Variants in MMRN1 observed in about 807,000 individuals in gnomAD.
The protein encoded by MMRN1 is multimerin-1.
In MMRN1, 94 loss-of-function variants were observed where a neutral mutation model predicts 100.7. That is an observed-to-expected ratio of 0.93 (90% CI 0.79 to 1.11). The LOEUF is 1.11. MMRN1 is among the 50% of genes least tolerant of loss of function. The probability of loss-of-function intolerance (pLI) is 0.00; values close to 1 mark genes in which losing one functional copy is unlikely to be tolerated. For synonymous variants in MMRN1, 575 were observed against 505.0 expected (o/e 1.14, Z -1.86); for missense variants, 1,606 against 1,439.1 (o/e 1.12, Z -1.88).
At chr4:89,900,118 T>C (rs900903799) in intron 1 of MMRN1, among the ~76,000 whole-genome samples, 1 of 152,072 alleles carries the variant, frequency 6.6e-6, no homozygotes, top group African/African-American at 2.4e-5. Context: ...AAGAAGGAAA[T>C]GTAAATGAAA....
At position 89,936,799 on chromosome 4, in the gene MMRN1, G is replaced by A. The variant is rs1722661753; in HGVS notation, c.3118+1G>A. 2 of 1,569,510 alleles carry A rather than the reference G, an allele frequency of 1.3e-6. No individual in the cohort carries two copies. On this transcript the variant is annotated splice_donor_variant, in intron 6 of 7. Transcript: ENST00000264790. LOFTEE classifies it high-confidence loss of function. The stretch of plus-strand genomic sequence containing the variant: ...AACACGGACAACATAATATATCCTG[G>A]TAAGCTGTTACTGAAAAGTAACTTT...
chr4:89,943,477 G>A (rs969788835), intron 6 of MMRN1, among the ~76,000 whole-genome samples: 1 of 152,112 alleles, frequency 6.6e-6, no homozygotes, highest in Non-Finnish European at 1.5e-5. Flanking sequence ...TATTATTCAT[G>A]GTTATATTAG....
chr4:89,894,053 C>A (rs1721115198), upstream of MMRN1, among the ~76,000 whole-genome samples: 1 of 152,048 alleles, frequency 6.6e-6, no homozygotes, highest in African/African-American at 2.4e-5. Context: ...TCTATATGAT[C>A]CCATTTTAAT....
Position 89,895,479 on chromosome 4 carries a change from G to A in MMRN1, c.508G>A (p.Gly170Ser), listed in dbSNP as rs1350188300. 4 of 1,613,726 alleles carry A rather than the reference G, an allele frequency of 2.5e-6. No homozygotes were observed. The highest frequency in any genetic ancestry group is 2.5e-6 in the Non-Finnish European group (3 of 1,179,924). Residue 170 changes from glycine (G) to serine (S), a missense_variant, in exon 1 of 8, where the codon GGC (glycine) becomes AGC (serine). By Grantham distance (56) the Gly-to-Ser change is moderately conservative. Transcript: ENST00000264790. Reference sequence around the variant, plus strand: ...CACTGGAGGCATTGGAGGCGTTGGAGGCACTGGAGGCGTGGGAAATCGAGC... The same window carrying A: ...CACTGGAGGCATTGGAGGCGTTGGAAGCACTGGAGGCGTGGGAAATCGAGC... ...GGTGGIGGVG[G>S]TGGVGNRAPR...
intron 3 of MMRN1, among the ~76,000 whole-genome samples, chr4:89,922,232 G>C (rs1340139642): frequency 6.6e-6 from 1 of 151,910 alleles, no homozygotes; most frequent in Non-Finnish European, 1.5e-5. Flanking sequence ...AGCCTCCCAA[G>C]TAGCTGGAAT....
chr4:89,898,685 C>A (rs1194995609), intron 1 of MMRN1, among the ~76,000 whole-genome samples: 1 of 151,918 alleles, frequency 6.6e-6, no homozygotes, highest in Non-Finnish European at 1.5e-5. Context: ...GTTTGTTAAA[C>A]CCACCTTTCT....
At chr4:89,882,098 G>A (rs766641876) in intron 1 of MMRN1, among the ~76,000 whole-genome samples, 9 of 151,734 alleles carry the variant, frequency 5.9e-5, no homozygotes, top group East Asian at 1.9e-4. Context: ...ATGACCATAC[G>A]TCTTTAATTT....
rs763071708 is a variant in MMRN1, at chr4:89,895,156, C to T, written c.185C>T (p.Ser62Leu). 6 of 1,613,806 alleles carry T rather than the reference C, an allele frequency of 3.7e-6. No individual in the cohort carries two copies. The highest frequency in any genetic ancestry group is 3.3e-5 in the Admixed American group (2 of 59,974). ...LQILPTTRVM[S>L]AEIATTPEAR... ...ATACTGCCAACCACTCGGGTCATGT[C>T]GGCGGAGATAGCTACAACTCCAGAG... is the stretch of plus-strand genomic sequence containing the variant. The change falls in exon 1 of 8, where the codon TCG becomes TTG. Residue 62 changes from serine (S) to leucine (L), a missense_variant. Physicochemically the swap from Ser to Leu is moderately radical, Grantham distance 145. Coordinates refer to ENST00000264790, the MANE Select transcript of MMRN1 (RefSeq NM_007351.3).
At position 89,934,812 on chromosome 4, in the gene MMRN1, C is replaced by T. The variant is rs531070238; in HGVS notation, c.1132C>T (p.Leu378=). 3 of 1,444,198 alleles carry T rather than the reference C, an allele frequency of 2.1e-6. No homozygotes were observed. The highest frequency in any genetic ancestry group is 2.9e-5 in the African/African-American group (2 of 70,066). The allele number at this position is 1,444,198 out of a possible 1,614,324, so 89.5% of individuals were successfully genotyped here. A position where few individuals can be genotyped will look rare whatever the true frequency, so the allele number is the denominator to read the frequency against. Residue 378 remains leucine, a splice_region_variant and synonymous_variant, in exon 6 of 8, where the codon CTA becomes TTA. Transcript: ENST00000264790. Reference sequence around the variant, plus strand: ...TTATTAATTATTTCTTTCTCTAGGTCTAAAATCCAAAAGCATTAATGTACT... The same window carrying T: ...TTATTAATTATTTCTTTCTCTAGGTTTAAAATCCAAAAGCATTAATGTACT... ...SREFQSLLKG[L]KSKSINVLIR...
chr4:89,917,080 C>A (rs369984033), intron 3 of MMRN1, among the ~76,000 whole-genome samples: 1 of 151,500 alleles, frequency 6.6e-6, no homozygotes, highest in African/African-American at 2.4e-5. Context: ...AAAATCCCCC[C>A]ACACATCCTC....
At chr4:89,903,159 A>G (rs1721445949) in intron 1 of MMRN1, among the ~76,000 whole-genome samples, 1 of 151,806 alleles carries the variant, frequency 6.6e-6, no homozygotes, top group South Asian at 2.1e-4. Context: ...TCATGTATAT[A>G]TTTCCCTTGA....
chr4:89,946,922 T>A (rs942599535), intron 6 of MMRN1, among the ~76,000 whole-genome samples: 3 of 151,864 alleles, frequency 2.0e-5, no homozygotes, highest in Non-Finnish European at 2.9e-5. Context: ...TTAAAAAAAA[T>A]GGACAGGAAG....
At position 89,936,367 on chromosome 4, in the gene MMRN1, T is replaced by A. The variant is rs200343754; in HGVS notation, c.2687T>A (p.Leu896Gln). 678 of 1,610,792 alleles carry A rather than the reference T, an allele frequency of 4.2e-4. 8 individuals are homozygous for A. The South Asian group carries it at 5.2e-3, about 12-fold the overall frequency. The change falls in exon 6 of 8, where the codon CTG becomes CAG. Residue 896 changes from leucine to glutamine, a missense_variant. Transcript: ENST00000264790. ...AATGAGAGAGATCAGGCTCTTCAACTGCAAGTATTAAATTCCAGATTTAAG... is the reference window on the plus strand; with the variant it reads ...AATGAGAGAGATCAGGCTCTTCAACAGCAAGTATTAAATTCCAGATTTAAG... ...VTNERDQALQ[L>Q]QVLNSRFKAL...
chr4:89,915,267 C>G (rs1208406660), intron 3 of MMRN1, among the ~76,000 whole-genome samples: 1 of 151,564 alleles, frequency 6.6e-6, no homozygotes, highest in African/African-American at 2.4e-5. Flanking sequence ...ACATTACCTC[C>G]TCTAAGAGTC....
intron 1 of MMRN1, 55 bp downstream of exon 1, chr4:89,895,649 T>G: frequency 6.7e-7 from 1 of 1,492,474 alleles, no homozygotes; most frequent in Non-Finnish European, 8.9e-7. Context: ...TCTAGAAGAT[T>G]GCAAGTGAAA....
At position 89,953,687 on chromosome 4, in the gene MMRN1, C is replaced by T. The variant is rs1179601031; in HGVS notation, c.*269C>T. 1 of 279,462 alleles carries T rather than the reference C, an allele frequency of 3.6e-6. No individual in the cohort carries two copies. The highest frequency in any genetic ancestry group is 6.6e-6 in the Non-Finnish European group (1 of 151,620). The allele number at this position is 279,462 out of a possible 1,614,324, so 17.3% of individuals were successfully genotyped here. A position where few individuals can be genotyped will look rare whatever the true frequency, so the allele number is the denominator to read the frequency against. ...AGCATAATTATTCCTATTCTTATTT[C>T]TTCATTTTAAGTCATTGCAATGGAA... On this transcript the variant is annotated 3_prime_UTR_variant, in exon 8 of 8. Transcript: ENST00000264790.
At chr4:89,909,513 T>A (rs913809363) in intron 2 of MMRN1, 118 bp downstream of exon 2, 2 of 1,285,062 alleles carry the variant, frequency 1.6e-6, no homozygotes, top group African/African-American at 3.0e-5. Context: ...GGGATGGTAG[T>A]CACATTATGC....
At chr4:89,901,519 A>G (rs950330482) in intron 1 of MMRN1, among the ~76,000 whole-genome samples, 1 of 152,048 alleles carries the variant, frequency 6.6e-6, no homozygotes, top group Non-Finnish European at 1.5e-5. Context: ...TTAGAAGTGA[A>G]TTATCTGATC....
chr4:89,934,769 T>G, intron 5 of MMRN1, 41 bp from the exon 6 acceptor site: 1 of 1,169,522 alleles, frequency 8.6e-7, no homozygotes, highest in South Asian at 2.3e-5. Context: ...TAAAGTCTCA[T>G]ATAATTAAAA....
Sources: allele counts gnomAD v4.1 joint callset (sites outside exome capture counted in the v4.1 genomes callset), GRCh38; gene constraint gnomAD v4.1.1; transcripts MANE v1.5; gene names NCBI Gene and HGNC (gene_info 2026-07-23, HGNC 2026-07-21).